The following ANKRD30BL variants were observed in gnomAD, a reference collection of about 807,000 sequenced individuals.
ANKRD30BL encodes the protein ankyrin repeat domain 30B like.
Under a neutral mutation model 18.4 loss-of-function variants are expected in ANKRD30BL, and 20 were observed. The observed-to-expected ratio is 1.09, with a 90% CI of 0.77 to 1.58. The LOEUF (loss-of-function observed/expected upper bound fraction) is 1.58. Among genes scored for constraint, ANKRD30BL ranks in the 40% most tolerant of loss-of-function variants. ANKRD30BL has a pLI of 0.00. For missense variants in ANKRD30BL, 224 were observed against 268.6 expected, an observed-to-expected ratio of 0.83 and a Z score of 1.16; for synonymous variants, 72 against 100.9, an observed-to-expected ratio of 0.71 and a Z score of 1.72.
At chr2:132,236,276 T>C (rs1243026537) in intron 1 of ANKRD30BL, among the ~76,000 whole-genome samples, 1 of 152,140 alleles carries the variant, frequency 6.6e-6, no homozygotes, top group East Asian at 1.9e-4. Context: ...GACATAGGCA[T>C]GGGCAAGGAC....
chr2:132,238,739 C>A (rs985831140), intron 1 of ANKRD30BL, among the ~76,000 whole-genome samples: 1 of 151,766 alleles, frequency 6.6e-6, no homozygotes, highest in African/African-American at 2.4e-5. Flanking sequence ...TAAAAATCTG[C>A]AAGTGGATAT....
At chr2:132,164,228 C>G (rs182277610), upstream of ANKRD30BL, among the ~76,000 whole-genome samples, 1 of 150,560 alleles carries the variant, frequency 6.6e-6, no homozygotes, top group Admixed American at 6.6e-5. Flanking sequence ...GTTTCTCTTC[C>G]TTTCAGTCTT....
chr2:132,196,355 T>C (rs1472708149), intron 1 of ANKRD30BL, among the ~76,000 whole-genome samples: 1 of 151,532 alleles, frequency 6.6e-6, no homozygotes, highest in African/African-American at 2.4e-5. Flanking sequence ...CTCCAGAGGC[T>C]GAGGTAAGAG....
At chr2:132,252,356 C>T (rs1680672590) in intron 1 of ANKRD30BL, among the ~76,000 whole-genome samples, 1 of 152,214 alleles carries the variant, frequency 6.6e-6, no homozygotes, top group East Asian at 1.9e-4. Flanking sequence ...ATGGAAGCTC[C>T]GGATGGGGCC....
At chr2:132,253,203 T>A in intron 1 of ANKRD30BL, 1 of 204,978 alleles carries the variant, frequency 4.9e-6, no homozygotes, top group Non-Finnish European at 1.1e-5. Flanking sequence ...CGCAAGTGCA[T>A]TCGAAGAGTC....
intron 1 of ANKRD30BL, among the ~76,000 whole-genome samples, chr2:132,250,172 C>T (rs1239555618): frequency 3.3e-5 from 5 of 152,142 alleles, no homozygotes; most frequent in African/African-American, 1.2e-4. Context: ...TCCTTTTTCA[C>T]CATAGACCTC....
intron 1 of ANKRD30BL, among the ~76,000 whole-genome samples, chr2:132,205,465 G>T (rs960540716): frequency 2.0e-5 from 3 of 151,634 alleles, no homozygotes; most frequent in Non-Finnish European, 4.4e-5. Flanking sequence ...GCTGGGCATG[G>T]TGGCACATGC....
chr2:132,165,164 C>T (rs1020829006), upstream of ANKRD30BL, among the ~76,000 whole-genome samples: 13 of 152,034 alleles, frequency 8.6e-5, no homozygotes, highest in Non-Finnish European at 1.6e-4. Context: ...CCAAATAATG[C>T]CCACGTGCTT....
At chr2:132,253,929 A>G (rs1327739214) in intron 1 of ANKRD30BL, among the ~76,000 whole-genome samples, 1 of 151,910 alleles carries the variant, frequency 6.6e-6, no homozygotes, top group Non-Finnish European at 1.5e-5. Flanking sequence ...TGGCAGCGGC[A>G]GCGATGGGAA....
At chr2:132,245,955 T>C (rs1032905183) in intron 1 of ANKRD30BL, among the ~76,000 whole-genome samples, 1 of 151,846 alleles carries the variant, frequency 6.6e-6, no homozygotes, top group African/African-American at 2.4e-5. Flanking sequence ...AAAGGAAATA[T>C]CTTCACAGCA....
At chr2:132,216,616 C>G (rs1679504253) in intron 1 of ANKRD30BL, among the ~76,000 whole-genome samples, 1 of 152,110 alleles carries the variant, frequency 6.6e-6, no homozygotes, top group Non-Finnish European at 1.5e-5. Flanking sequence ...TTTGATTGAG[C>G]ACCTTTGAAA....
At chr2:132,229,046 T>C (rs1246168907) in intron 1 of ANKRD30BL, among the ~76,000 whole-genome samples, 1 of 152,114 alleles carries the variant, frequency 6.6e-6, no homozygotes, top group Non-Finnish European at 1.5e-5. Flanking sequence ...TAAAGCTCCC[T>C]TTTTGTATAA....
chr2:132,211,256 A>G (rs76345368), intron 1 of ANKRD30BL, among the ~76,000 whole-genome samples: 1 of 152,126 alleles, frequency 6.6e-6, no homozygotes, highest in Non-Finnish European at 1.5e-5. Context: ...GCATTCTGAG[A>G]AACTTCTTTG....
chr2:132,168,753 A>G (rs1357651773), intron 1 of ANKRD30BL, among the ~76,000 whole-genome samples: 3 of 152,086 alleles, frequency 2.0e-5, no homozygotes. Flanking sequence ...ACACAGAGAA[A>G]GTGTAACTTT....
intron 1 of ANKRD30BL, among the ~76,000 whole-genome samples, chr2:132,251,467 G>A (rs76295976): frequency 3.6e-4 from 55 of 151,912 alleles, no homozygotes; most frequent in African/African-American, 8.7e-4. Context: ...ACTCTGACAC[G>A]TTTTCCTCCA....
intron 1 of ANKRD30BL, among the ~76,000 whole-genome samples, chr2:132,186,259 CAT>C (rs1376029351): frequency 6.6e-6 from 1 of 151,802 alleles, no homozygotes; most frequent in South Asian, 2.1e-4. Flanking sequence ...ATAAGAAAAA[CAT>C]ATAAATAGTA....
intron 1 of ANKRD30BL, among the ~76,000 whole-genome samples, chr2:132,250,833 T>A (rs1680630530): frequency 1.3e-5 from 2 of 152,216 alleles, no homozygotes; most frequent in Admixed American, 6.5e-5. Context: ...AATATTTAAA[T>A]TGGTTACCAC....
chr2:132,236,451 A>C (rs1197352065), intron 1 of ANKRD30BL, among the ~76,000 whole-genome samples: 9 of 152,168 alleles, frequency 5.9e-5, no homozygotes, highest in Non-Finnish European at 8.8e-5. Flanking sequence ...AACCCCATCA[A>C]AAAGTGGGCA....
intron 1 of ANKRD30BL, among the ~76,000 whole-genome samples, chr2:132,251,400 G>C (rs1265668869): frequency 4.4e-5 from 5 of 112,856 alleles, no homozygotes; most frequent in Non-Finnish European, 9.6e-5. Context: ...CACTTCGACA[G>C]TCAAGATGCA....
Sources: gnomAD v4.1 joint callset for allele counts (sites outside exome capture counted in the v4.1 genomes callset) on GRCh38, gnomAD v4.1.1 for gene constraint, MANE v1.5 for transcripts, NCBI Gene and HGNC (gene_info 2026-07-23, HGNC 2026-07-21) for gene names.